The following PRRX2 variants were observed in gnomAD, a reference collection of about 807,000 sequenced individuals.
PRRX2 encodes the protein paired related homeobox 2.
PRRX2 carries 11 observed loss-of-function variants against 18.0 expected under a neutral mutation model. The ratio of observed to expected loss-of-function variants is 0.61; its 90% CI spans 0.39 to 1.01. PRRX2 has a LOEUF of 1.01. Among genes scored for constraint, PRRX2 ranks in the 50% least tolerant of loss-of-function variants. The pLI is 0.01. For missense variants in PRRX2, 387 were observed against 351.0 expected (o/e 1.10, Z -0.82); for synonymous variants, 177 against 154.8 (o/e 1.14, Z -1.06).
At chr9:129,666,883 C>G (rs939271483) in intron 1 of PRRX2, among the ~76,000 whole-genome samples, 1 of 152,200 alleles carries the variant, frequency 6.6e-6, no homozygotes, top group Non-Finnish European at 1.5e-5. Context: ...GATCTGAAAC[C>G]AGGCCCCTGT....
intron 1 of PRRX2, among the ~76,000 whole-genome samples, chr9:129,682,800 C>T (rs559143465): frequency 2.7e-4 from 41 of 152,284 alleles, no homozygotes; most frequent in African/African-American, 7.0e-4. Context: ...ACCCCAGACC[C>T]GTCCCTCAAT....
chr9:129,683,202 G>T (rs1832255676), intron 1 of PRRX2, among the ~76,000 whole-genome samples: 1 of 152,134 alleles, frequency 6.6e-6, no homozygotes, highest in Non-Finnish European at 1.5e-5. Context: ...CCCCTCCTGG[G>T]ACTCCCTTCA....
Position 129,719,383 on chromosome 9 carries a change from GCCCGGCGCGTCAA to G in PRRX2, c.415_427del (p.Arg139SerfsTer53), listed in dbSNP as rs750736321. On this transcript the variant is annotated frameshift_variant, in exon 2 of 4. Coordinates refer to ENST00000372469, the MANE Select transcript of PRRX2 (RefSeq NM_016307.4). LOFTEE classifies it high-confidence loss of function. The stretch of plus-strand genomic sequence containing the variant: ...CGACGCCTTTGTGCGCGAGGAGCTT[GCCCGGCGCGTCAA>G]CCTCAGCGAGGCGCGCGTTCAGGTG... 6.4e-7 allele frequency: 1 copy of G among 1,554,254 alleles called. No individual in the cohort carries two copies. Among genetic ancestry groups the G allele is most frequent in the East Asian group, 2.4e-5 (1 of 41,440 alleles).
chr9:129,712,690 G>A (rs886689091), intron 1 of PRRX2, among the ~76,000 whole-genome samples: 4 of 152,116 alleles, frequency 2.6e-5, no homozygotes, highest in Admixed American at 2.6e-4. Context: ...TCTCTCCTCT[G>A]GGATCCAGGC....
intron 1 of PRRX2, 128 bp from the exon 2 acceptor site, chr9:129,719,103 T>G: frequency 1.2e-5 from 10 of 834,212 alleles, no homozygotes; most frequent in East Asian, 3.0e-5. Flanking sequence ...AATGAGGGAG[T>G]GAATTAAAGG....
chr9:129,710,664 C>T (rs1248401793), intron 1 of PRRX2, among the ~76,000 whole-genome samples: 2 of 152,130 alleles, frequency 1.3e-5, no homozygotes, highest in Non-Finnish European at 2.9e-5. Context: ...ACCTGGGAGG[C>T]GGAGATTGCA....
Position 129,675,265 on chromosome 9 carries a change from C to G in PRRX2, c.259+9139C>G, listed in dbSNP as rs538203015. ...GGGTCTAGGAGGAAGTATTTGCTCT[C>G]GACCATCCACCAGCATCCATTGAGC... On this transcript the variant is annotated intron_variant, in intron 1 of 3. Transcript: ENST00000372469. The surrounding 1 kb of genome is among the most constrained non-coding windows in gnomAD (Gnocchi z 4.4). Among the ~76,000 whole-genome samples the G allele has an allele frequency of 6.6e-6, 1 of 152,198 alleles. No individual in the cohort carries two copies. The highest frequency in any genetic ancestry group is 1.5e-5 in the Non-Finnish European group (1 of 68,022).
intron 3 of PRRX2, among the ~76,000 whole-genome samples, chr9:129,721,948 G>A (rs115086244): frequency 0.011 from 1,665 of 152,208 alleles, 35 homozygotes; most frequent in African/African-American, 0.039. Context: ...CCAGGCCCAG[G>A]GTACGCATGG....
At chr9:129,667,197 C>A (rs1832037187) in intron 1 of PRRX2, among the ~76,000 whole-genome samples, 1 of 150,484 alleles carries the variant, frequency 6.6e-6, no homozygotes, top group Non-Finnish European at 1.5e-5. Context: ...CACTGGCTCC[C>A]TCATGGCAGC....
chr9:129,717,833 T>G (rs1317600979), intron 1 of PRRX2, among the ~76,000 whole-genome samples: 5 of 152,214 alleles, frequency 3.3e-5, no homozygotes, highest in Non-Finnish European at 5.9e-5. Context: ...GTGTGATTAC[T>G]TGGTTATTAA....
At chr9:129,700,320 T>A (rs901537670) in intron 1 of PRRX2, among the ~76,000 whole-genome samples, 12 of 150,664 alleles carry the variant, frequency 8.0e-5, no homozygotes, top group African/African-American at 3.0e-4. Flanking sequence ...TGTATTTTTT[T>A]TTGGTTTGTT....
Position 129,719,435 on chromosome 9 carries a change from G to C in PRRX2, c.447+17G>C, listed in dbSNP as rs758626440. ...CGCGTTCAGGTGAGCGCTCAGTCCC[G>C]GGCCTCCCGTGGGAGCGTGCGCGTG... is the stretch of plus-strand genomic sequence containing the variant. On this transcript the variant is annotated intron_variant, in intron 2 of 3. Transcript: ENST00000372469. 6.7e-7 allele frequency: 1 copy of C among 1,498,286 alleles called. No homozygotes were observed. The highest frequency in any genetic ancestry group is 8.9e-7 in the Non-Finnish European group (1 of 1,122,034). The allele number at this position is 1,498,286 out of a possible 1,614,324, so 92.8% of individuals were successfully genotyped here.
chr9:129,691,399 A>C (rs1832359069), intron 1 of PRRX2, among the ~76,000 whole-genome samples: 1 of 152,056 alleles, frequency 6.6e-6, no homozygotes, highest in Non-Finnish European at 1.5e-5. Flanking sequence ...ATAGATACTC[A>C]GATCTCATCT....
At chr9:129,721,056 G>C (rs73627669) in intron 3 of PRRX2, among the ~76,000 whole-genome samples, 7,757 of 152,336 alleles carry the variant, frequency 0.051, 558 homozygotes, top group African/African-American at 0.16. Flanking sequence ...CGTATGCAAA[G>C]GAGCGTGCAA....
rs1188602013 is a variant in PRRX2, at chr9:129,671,183, A to G, written c.259+5057A>G. On this transcript the variant is annotated intron_variant, in intron 1 of 3. Coordinates refer to ENST00000372469, the MANE Select transcript of PRRX2 (RefSeq NM_016307.4). This position sits in a 1 kb window ranked among gnomAD's most constrained non-coding sequence, Gnocchi z 4.0. ...AGCTGGGCCTGGTGCCTGGACCCTC[A>G]GATGATCATGTCTCAGCAGGAGCCG... Among the ~76,000 whole-genome samples the G allele has an allele frequency of 4.6e-5, 7 of 152,194 alleles. No individual in the cohort carries two copies. The highest frequency in any genetic ancestry group is 2.9e-5 in the Non-Finnish European group (2 of 68,034).
chr9:129,682,942 T>C (rs1242585428), intron 1 of PRRX2, among the ~76,000 whole-genome samples: 1 of 151,754 alleles, frequency 6.6e-6, no homozygotes, highest in Non-Finnish European at 1.5e-5. Flanking sequence ...CCCCCATCTC[T>C]ACTAAAAATA....
intron 1 of PRRX2, among the ~76,000 whole-genome samples, chr9:129,706,298 T>TAAAAATTGACTGA (rs769551052): frequency 1.3e-5 from 2 of 151,036 alleles, no homozygotes; most frequent in Admixed American, 1.3e-4. Flanking sequence ...AAATTTTTTT[T>TAAAAATTGACTGA]TCCCAGGCGC....
At chr9:129,667,460 G>A (rs113350842) in intron 1 of PRRX2, among the ~76,000 whole-genome samples, 1 of 152,162 alleles carries the variant, frequency 6.6e-6, no homozygotes, top group Non-Finnish European at 1.5e-5. Flanking sequence ...GAGAGGTCCC[G>A]GTTTACCCTG....
intron 1 of PRRX2, among the ~76,000 whole-genome samples, chr9:129,682,036 G>T (rs1018900129): frequency 6.6e-6 from 1 of 152,170 alleles, no homozygotes. Flanking sequence ...AGGAGGAGGC[G>T]TGGGTCTTAG....
Sources: gnomAD v4.1 joint callset for allele counts (sites outside exome capture counted in the v4.1 genomes callset) on GRCh38, gnomAD v4.1.1 for gene constraint, Gnocchi (gnomAD v3.1) non-coding constraint, MANE v1.5 for transcripts, NCBI Gene and HGNC (gene_info 2026-07-23, HGNC 2026-07-21) for gene names.